The following RFX3 variants were observed in gnomAD, a reference collection of about 807,000 sequenced individuals.
RFX3 encodes the protein transcription factor RFX3.
Under a neutral mutation model 98.6 loss-of-function variants are expected in RFX3, and 14 were observed. That is an observed-to-expected ratio of 0.14 (90% CI 0.09 to 0.22). The LOEUF is 0.22. RFX3 is among the 10% of genes least tolerant of loss of function. The probability of loss-of-function intolerance (pLI) is 1.00; values close to 1 mark genes in which losing one functional copy is unlikely to be tolerated. For missense variants in RFX3, 639 were observed against 926.9 expected (o/e 0.69, Z 4.03); for synonymous variants, 383 against 328.4 (o/e 1.17, Z -1.80).
chr9:3,448,022 A>C (rs1564113187), intron 1 of RFX3, among the ~76,000 whole-genome samples: 1 of 152,162 alleles, frequency 6.6e-6, no homozygotes, highest in Non-Finnish European at 1.5e-5. Context: ...AAAGGGAAAA[A>C]TGGCCAGCCT....
At chr9:3,386,938 G>A (rs1839788793) in intron 2 of RFX3, among the ~76,000 whole-genome samples, 1 of 152,146 alleles carries the variant, frequency 6.6e-6, no homozygotes, top group Non-Finnish European at 1.5e-5. Context: ...TGAGTCATCT[G>A]ATTCAACCTT....
At chr9:3,346,601 G>A in intron 3 of RFX3, 66 bp downstream of exon 3, 1 of 935,462 alleles carries the variant, frequency 1.1e-6, no homozygotes, top group Non-Finnish European at 1.8e-6. Flanking sequence ...ATAGTGGGAG[G>A]TGTTCAAAAG....
rs74565274 is a variant in RFX3, at chr9:3,373,773, C to T, written c.117+21699G>A. ...AGGAAGAGAGAAAGAAAAAGAAAAA[C>T]AGACTTTTAAAAATACAAGTACCAG... On this transcript the variant is annotated intron_variant, in intron 2 of 16. Coordinates refer to ENST00000617270, the MANE Select transcript of RFX3 (RefSeq NM_001282116.2). Among the ~76,000 whole-genome samples the T allele has an allele frequency of 4.8e-3, 732 of 152,124 alleles. 6 individuals are homozygous for T. Among genetic ancestry groups the T allele is most frequent in the African/African-American group, 0.017 (712 of 41,516 alleles).
chr9:3,301,066 C>T (rs1264202851), intron 5 of RFX3, among the ~76,000 whole-genome samples: 2 of 151,738 alleles, frequency 1.3e-5, no homozygotes, highest in Non-Finnish European at 2.9e-5. Context: ...TTACTGCCCA[C>T]CTTACATAGT....
chr9:3,415,071 T>C (rs1842857253), intron 1 of RFX3, among the ~76,000 whole-genome samples: 2 of 98,026 alleles, frequency 2.0e-5, no homozygotes, highest in South Asian at 2.6e-4. Flanking sequence ...CATATATAAG[T>C]ATATATATAT....
intron 1 of RFX3, among the ~76,000 whole-genome samples, chr9:3,508,559 G>A (rs958727895): frequency 1.5e-4 from 23 of 151,756 alleles, no homozygotes; most frequent in African/African-American, 5.6e-4. Flanking sequence ...GAACTTCTAG[G>A]CAAAAAATGC....
chr9:3,332,054 C>A (rs1832661885), intron 3 of RFX3, among the ~76,000 whole-genome samples: 1 of 152,168 alleles, frequency 6.6e-6, no homozygotes, highest in African/African-American at 2.4e-5. Flanking sequence ...GCTTACTCTT[C>A]CCTCTGACTG....
intron 1 of RFX3, among the ~76,000 whole-genome samples, chr9:3,419,617 G>A (rs1843274821): frequency 2.0e-5 from 3 of 152,102 alleles, no homozygotes. Flanking sequence ...TAAATTTACT[G>A]TACCTTTAAC....
chr9:3,357,281 C>T (rs1185722659), intron 2 of RFX3, among the ~76,000 whole-genome samples: 4 of 151,904 alleles, frequency 2.6e-5, no homozygotes, highest in Admixed American at 1.3e-4. Flanking sequence ...CCATTAAAAT[C>T]TTGTACATTC....
chr9:3,410,874 G>T (rs1842409685), intron 1 of RFX3, among the ~76,000 whole-genome samples: 1 of 152,068 alleles, frequency 6.6e-6, no homozygotes, highest in African/African-American at 2.4e-5. Flanking sequence ...CATACTATTG[G>T]TTTTTACTAG....
intron 15 of RFX3, among the ~76,000 whole-genome samples, chr9:3,244,150 A>T (rs566781655): frequency 6.6e-6 from 1 of 151,756 alleles, no homozygotes; most frequent in African/African-American, 2.4e-5. Context: ...CTACAGGCAC[A>T]TGCCACCACG....
At chr9:3,360,104 C>T (rs1346674572) in intron 2 of RFX3, among the ~76,000 whole-genome samples, 1 of 152,046 alleles carries the variant, frequency 6.6e-6, no homozygotes, top group African/African-American at 2.4e-5. Context: ...TTTGTGAAGT[C>T]TTTAAACTGA....
rs993730053 is a variant in RFX3, at chr9:3,228,963, A to C, written c.1969-74T>G. 4.5e-6 allele frequency: 6 copies of C among 1,333,516 alleles called. No homozygotes were observed. The African/African-American group carries it at 8.9e-5, about 20-fold the overall frequency. 82.6% of individuals were successfully genotyped at this position (1,333,516 alleles called of 1,614,324 possible). ...AATAATACTCTATCAGTCTGTAGTA[A>C]AAATGCCAATCTATGACTCTTTAAA... is the stretch of plus-strand genomic sequence containing the variant. On this transcript the variant is annotated intron_variant, in intron 15 of 16. Coordinates refer to ENST00000617270, the MANE Select transcript of RFX3 (RefSeq NM_001282116.2).
In RFX3 at chr9:3,225,073, C is replaced by T. The variant is rs746233622; in HGVS notation, c.2219G>A (p.Ser740Asn). 5 of 1,613,918 alleles carry T rather than the reference C, an allele frequency of 3.1e-6. No individual in the cohort carries two copies. Among genetic ancestry groups the T allele is most frequent in the Non-Finnish European group, 3.4e-6 (4 of 1,179,908 alleles). The change falls in exon 17 of 17, where the codon AGC becomes AAC. Residue 740 changes from serine to asparagine, a missense_variant. Coordinates refer to ENST00000617270, the MANE Select transcript of RFX3 (RefSeq NM_001282116.2). ...TGCAGTGTAGGTATTTCCTGTAGCG[C>T]TGCACTGTCTGATAGTCTGAGTACT... ...VTSTQTIRQC[S>N]ATGNTYTAV
At chr9:3,316,236 A>G (rs917958735) in intron 4 of RFX3, among the ~76,000 whole-genome samples, 6 of 152,204 alleles carry the variant, frequency 3.9e-5, no homozygotes, top group African/African-American at 1.4e-4. Flanking sequence ...CAAATCAATA[A>G]ACGTAATCCA....
chr9:3,308,625 G>A (rs867849577), intron 4 of RFX3, among the ~76,000 whole-genome samples: 2 of 152,140 alleles, frequency 1.3e-5, no homozygotes, highest in Non-Finnish European at 2.9e-5. Context: ...TTTGCAAGAT[G>A]TCATACGACA....
chr9:3,500,113 T>C (rs1815813134), intron 1 of RFX3, among the ~76,000 whole-genome samples: 1 of 152,014 alleles, frequency 6.6e-6, no homozygotes, highest in African/African-American at 2.4e-5. Flanking sequence ...GTGGAACAAC[T>C]ATCCAAAAAA....
At chr9:3,448,918 A>T (rs191525695) in intron 1 of RFX3, among the ~76,000 whole-genome samples, 2 of 152,290 alleles carry the variant, frequency 1.3e-5, no homozygotes, top group East Asian at 3.9e-4. Context: ...AACTCCAAAG[A>T]AGTACTGATG....
At chr9:3,477,812 T>G (rs948636796) in intron 1 of RFX3, among the ~76,000 whole-genome samples, 2 of 152,184 alleles carry the variant, frequency 1.3e-5, no homozygotes, top group Non-Finnish European at 2.9e-5. Flanking sequence ...TGGAGTCACA[T>G]AAGTCTTTTG....
Sources: gnomAD v4.1 joint callset for allele counts (sites outside exome capture counted in the v4.1 genomes callset) on GRCh38, gnomAD v4.1.1 for gene constraint, MANE v1.5 for transcripts, NCBI Gene and HGNC (gene_info 2026-07-23, HGNC 2026-07-21) for gene names.